Variants in CNIH1 observed in about 807,000 individuals in gnomAD.
CNIH1 encodes the protein cornichon family member 1.
Under a neutral mutation model 20.2 loss-of-function variants are expected in CNIH1, and 12 were observed. The ratio of observed to expected loss-of-function variants is 0.59; its 90% confidence interval spans 0.38 to 0.96. The LOEUF is 0.96. Ranked by LOEUF, CNIH1 falls within the 40% of genes least tolerant of loss-of-function variation. The probability of loss-of-function intolerance (pLI) is 0.00; values close to 1 mark genes in which losing one functional copy is unlikely to be tolerated. For synonymous variants in CNIH1, 69 were observed against 63.3 expected, an observed-to-expected ratio of 1.09 and a Z score of -0.43; for missense variants, 152 against 178.8, an observed-to-expected ratio of 0.85 and a Z score of 0.85.
chr14:54,428,461 G>A (rs1231262961), intron 4 of CNIH1, among the ~76,000 whole-genome samples: 1 of 152,178 alleles, frequency 6.6e-6, no homozygotes, highest in Admixed American at 6.5e-5. Flanking sequence ...ACGGCATAGG[G>A]GCATGATTCA....
At position 54,432,212 on chromosome 14, in the gene CNIH1, G is replaced by T. The variant is rs759920715; in HGVS notation, c.159C>A (p.Leu53=). 6.5e-6 allele frequency: 10 copies of T among 1,537,554 alleles called. No individual in the cohort carries two copies. Among genetic ancestry groups the T allele is most frequent in the Middle Eastern group, 1.7e-4 (1 of 5,936 alleles). Residue 53 remains leucine, a synonymous_variant, in exon 3 of 5, where the codon CTC becomes CTA. Transcript: ENST00000216416. ...DQCNTLNPLV[L]PEYLIHAFFC... Reference sequence around the variant, plus strand: ...AGAAAGCGTGGATGAGGTACTCTGGGAGTACAAGCTGGAAGGAAAACACAA... The same window carrying T: ...AGAAAGCGTGGATGAGGTACTCTGGTAGTACAAGCTGGAAGGAAAACACAA...
intron 1 of CNIH1, among the ~76,000 whole-genome samples, chr14:54,437,449 A>C (rs1323813711): frequency 6.6e-6 from 1 of 150,704 alleles, no homozygotes; most frequent in African/African-American, 2.4e-5. Flanking sequence ...CGGTTTTTTT[A>C]ATTTCTAGAG....
At position 54,427,799 on chromosome 14, in the gene CNIH1, C is replaced by A; in HGVS notation, c.*15G>T. 1 of 1,613,538 alleles carries A rather than the reference C, an allele frequency of 6.2e-7. No individual in the cohort carries two copies. The highest frequency in any genetic ancestry group is 8.5e-7 in the Non-Finnish European group (1 of 1,179,838). Reference sequence around the variant, plus strand: ...TTGCATGCACTTAACTGGACCAATTCTTCTGTGTGTTGTTCTAAGAGCTCA... The same window carrying A: ...TTGCATGCACTTAACTGGACCAATTATTCTGTGTGTTGTTCTAAGAGCTCA... On this transcript the variant is annotated 3_prime_UTR_variant, in exon 5 of 5. Coordinates refer to ENST00000216416, the MANE Select transcript of CNIH1 (RefSeq NM_005776.3).
intron 1 of CNIH1, among the ~76,000 whole-genome samples, chr14:54,437,756 T>A (rs61985908): frequency 1.3e-5 from 2 of 152,070 alleles, no homozygotes; most frequent in African/African-American, 4.8e-5. Flanking sequence ...AAAACATACA[T>A]GTGTAATTAG....
rs558073365 is a variant in CNIH1, at chr14:54,426,117, T to C, written c.*1697A>G. 2.6e-5 allele frequency: 4 copies of C among 152,310 alleles called. No homozygotes were observed. In the East Asian group the frequency reaches 7.7e-4, roughly 29 times the overall value. 9.4% of individuals were successfully genotyped at this position (152,310 alleles called of 1,614,324 possible). A position where few individuals can be genotyped will look rare whatever the true frequency, so the allele number is the denominator to read the frequency against. ...TCTTGAGAGCCCAGCAAGTACTCAA[T>C]AAATAATTTGTTACATGAACTGACC... On this transcript the variant is annotated 3_prime_UTR_variant, in exon 5 of 5. Transcript: ENST00000216416.
chr14:54,440,896 T>C (rs2031156973), intron 1 of CNIH1, among the ~76,000 whole-genome samples: 2 of 152,174 alleles, frequency 1.3e-5, no homozygotes, highest in South Asian at 4.1e-4. Context: ...CCCACCGCGC[T>C]GTCGACATCC....
At position 54,432,275 on chromosome 14, in the gene CNIH1, T is replaced by G. The variant is rs1350576367; in HGVS notation, c.151-55A>C. ...AATGCCTCAGCATTAAGTCAACTAC[T>G]AATCTGGAAAGCAGGTGGCAACCAA... On this transcript the variant is annotated intron_variant, in intron 2 of 4. Transcript: ENST00000216416. The G allele has an allele frequency of 3.2e-6, 3 of 925,424 alleles. No individual in the cohort carries two copies. In the East Asian group the frequency reaches 8.9e-5, roughly 28 times the overall value. 57.3% of individuals were successfully genotyped at this position (925,424 alleles called of 1,614,324 possible).
intron 2 of CNIH1, among the ~76,000 whole-genome samples, chr14:54,433,112 T>C (rs1000297023): frequency 6.6e-6 from 1 of 152,212 alleles, no homozygotes; most frequent in Non-Finnish European, 1.5e-5. Flanking sequence ...ATCCTAAAGA[T>C]TTCAGCCTGA....
chr14:54,436,732 T>C (rs1307706114), intron 1 of CNIH1: 3 of 495,312 alleles, frequency 6.1e-6, no homozygotes, highest in African/African-American at 3.9e-5. Flanking sequence ...CTACTCGAAA[T>C]AATCTTCTGA....
chr14:54,423,621 G>A lies in CNIH1; in HGVS notation c.*4193C>T, dbSNP rs1387932191. 10 of 152,232 alleles carry A rather than the reference G, an allele frequency of 6.6e-5. 2 individuals carry two copies. In the East Asian group the frequency reaches 1.5e-3, roughly 24 times the overall value. 9.4% of individuals were successfully genotyped at this position (152,232 alleles called of 1,614,324 possible). On this transcript the variant is annotated 3_prime_UTR_variant, in exon 5 of 5. Transcript: ENST00000216416. ...AAATAAGCTCTAAGGAGTAAGGTAGGGCTACTTAAGGGCGTTTTCTGTGGA... is the reference window on the plus strand; with the variant it reads ...AAATAAGCTCTAAGGAGTAAGGTAGAGCTACTTAAGGGCGTTTTCTGTGGA...
In CNIH1 at chr14:54,425,032, G is replaced by A. The variant is rs1227775923; in HGVS notation, c.*2782C>T. ...CAAACCCTCCTCTACCCTGGAATGAGGAGTGAGGAATATCATTAAGCATTG... is the reference window on the plus strand; with the variant it reads ...CAAACCCTCCTCTACCCTGGAATGAAGAGTGAGGAATATCATTAAGCATTG... On this transcript the variant is annotated 3_prime_UTR_variant, in exon 5 of 5. Transcript: ENST00000216416. 2 of 152,182 alleles carry A rather than the reference G, an allele frequency of 1.3e-5. No homozygotes were observed. The highest frequency in any genetic ancestry group is 2.9e-5 in the Non-Finnish European group (2 of 68,024). 9.4% of individuals were successfully genotyped at this position (152,182 alleles called of 1,614,324 possible).
At chr14:54,431,084 C>T (rs2140001310) in intron 3 of CNIH1, among the ~76,000 whole-genome samples, 1 of 152,166 alleles carries the variant, frequency 6.6e-6, no homozygotes, top group South Asian at 2.1e-4. Context: ...CTCAGCCTCT[C>T]AAAGTGCTGG....
At chr14:54,433,875 A>C (rs1185830485) in intron 2 of CNIH1, among the ~76,000 whole-genome samples, 1 of 152,206 alleles carries the variant, frequency 6.6e-6, no homozygotes, top group African/African-American at 2.4e-5. Context: ...CAGTTCTAAT[A>C]TGAAACAATG....
At chr14:54,434,431 G>A (rs561522901) in intron 2 of CNIH1, among the ~76,000 whole-genome samples, 2 of 152,238 alleles carry the variant, frequency 1.3e-5, no homozygotes, top group East Asian at 3.9e-4. Context: ...ACAAGAACTT[G>A]AGCTTCAAAA....
chr14:54,437,467 A>T (rs2031077604), intron 1 of CNIH1, among the ~76,000 whole-genome samples: 1 of 152,214 alleles, frequency 6.6e-6, no homozygotes, highest in Admixed American at 6.5e-5. Flanking sequence ...GAGTTCCATA[A>T]AATTCACCCA....
chr14:54,430,884 T>C lies in CNIH1; in HGVS notation c.264-480A>G, dbSNP rs557768151. Among the ~76,000 whole-genome samples the C allele has an allele frequency of 5.3e-5, 8 of 152,292 alleles. 1 individual carries two copies. The highest frequency in any genetic ancestry group is 1.9e-4 in the African/African-American group (8 of 41,568). On this transcript the variant is annotated intron_variant, in intron 3 of 4. Transcript: ENST00000216416. ...TCTTACCCTGTAACCCAGGCTGCAA[T>C]ATAGTGGTGCAATCTTGGCTCACCA...
Position 54,426,785 on chromosome 14 carries a change from T to C in CNIH1, c.*1029A>G, listed in dbSNP as rs1594614733. 1 of 152,340 alleles carries C rather than the reference T, an allele frequency of 6.6e-6. No homozygotes were observed. The highest frequency in any genetic ancestry group is 2.4e-5 in the African/African-American group (1 of 41,588). 9.4% of individuals were successfully genotyped at this position (152,340 alleles called of 1,614,324 possible). A position where few individuals can be genotyped will look rare whatever the true frequency, so the allele number is the denominator to read the frequency against. ...TAATGTGCTCGGCATTTAAAAATTT[T>C]CCTTTTTAGATCTAGGCATGGTATT... On this transcript the variant is annotated 3_prime_UTR_variant, in exon 5 of 5. Transcript: ENST00000216416.
At chr14:54,435,720 A>G (rs1158954658) in intron 2 of CNIH1, among the ~76,000 whole-genome samples, 2 of 152,234 alleles carry the variant, frequency 1.3e-5, no homozygotes, top group South Asian at 2.1e-4. Context: ...GATATGGCAG[A>G]TAAGTCCATA....
Position 54,427,137 on chromosome 14 carries a change from ATTC to A in CNIH1, c.*674_*676del, listed in dbSNP as rs1307675895. 1 of 152,214 alleles carries A rather than the reference ATTC, an allele frequency of 6.6e-6. No homozygotes were observed. Among genetic ancestry groups the A allele is most frequent in the Non-Finnish European group, 1.5e-5 (1 of 68,020 alleles). 9.4% of individuals were successfully genotyped at this position (152,214 alleles called of 1,614,324 possible). On this transcript the variant is annotated 3_prime_UTR_variant, in exon 5 of 5. Coordinates refer to ENST00000216416, the MANE Select transcript of CNIH1 (RefSeq NM_005776.3). Reference sequence around the variant, plus strand: ...ACACATTTAAAATAGCTTTAAATGCATTCTTCACAAGTAATTCAGCATATATTT... The same window carrying A: ...ACACATTTAAAATAGCTTTAAATGCATTCACAAGTAATTCAGCATATATTT...
Sources: gnomAD v4.1 joint callset for allele counts (sites outside exome capture counted in the v4.1 genomes callset) on GRCh38, gnomAD v4.1.1 for gene constraint, MANE v1.5 for transcripts, NCBI Gene and HGNC (gene_info 2026-07-23, HGNC 2026-07-21) for gene names.